Variants in LRP1B observed in about 807,000 individuals in gnomAD.
The protein encoded by LRP1B is LDL receptor related protein 1B, also known as low-density lipoprotein receptor-related protein 1B.
In LRP1B, 217 loss-of-function variants were observed where a neutral mutation model predicts 556.6. The ratio of observed to expected loss-of-function variants is 0.39; its 90% confidence interval spans 0.35 to 0.44. LRP1B has a LOEUF of 0.44. Among genes scored for constraint, LRP1B ranks in the 20% least tolerant of loss-of-function variants. The pLI, the probability that LRP1B is intolerant of heterozygous loss-of-function variation, is 1.00. For missense variants in LRP1B, 5,053 were observed against 5,620.8 expected (o/e 0.90, Z 3.23); for synonymous variants, 2,047 against 1,865.8 (o/e 1.10, Z -2.50).
intron 1 of LRP1B, among the ~76,000 whole-genome samples, chr2:141,908,823 A>C: frequency 6.6e-6 from 1 of 152,118 alleles, no homozygotes; most frequent in East Asian, 1.9e-4. Context: ...TTCACAAATC[A>C]TTATCTACCA....
chr2:142,044,090 G>C (rs1011497878), intron 1 of LRP1B, among the ~76,000 whole-genome samples: 3 of 151,548 alleles, frequency 2.0e-5, no homozygotes, highest in Non-Finnish European at 4.4e-5. Flanking sequence ...TTTGCTATTA[G>C]AGAAAAAAAC....
At chr2:141,145,871 C>A (rs187616335) in intron 7 of LRP1B, among the ~76,000 whole-genome samples, 1 of 145,796 alleles carries the variant, frequency 6.9e-6, no homozygotes, top group African/African-American at 2.5e-5. Context: ...CAAAATATGT[C>A]TTTTACAAGG....
chr2:140,449,601 A>T (rs1390718146), intron 63 of LRP1B, among the ~76,000 whole-genome samples: 1 of 152,196 alleles, frequency 6.6e-6, no homozygotes, highest in Non-Finnish European at 1.5e-5. Context: ...GCTTTCAAAC[A>T]TATGCACTAT....
At chr2:141,585,614 T>C (rs72978017) in intron 2 of LRP1B, among the ~76,000 whole-genome samples, 4,228 of 152,134 alleles carry the variant, frequency 0.028, 213 homozygotes, top group African/African-American at 0.094. Context: ...TGTGCCTATT[T>C]CATGTCCCTG....
intron 3 of LRP1B, among the ~76,000 whole-genome samples, chr2:141,461,300 A>G (rs1681860330): frequency 1.3e-5 from 2 of 152,194 alleles, no homozygotes; most frequent in South Asian, 4.1e-4. Context: ...AGAAAAATTA[A>G]AAGGACATTT....
At chr2:140,886,876 A>T (rs77741683) in intron 23 of LRP1B, among the ~76,000 whole-genome samples, 1 of 152,112 alleles carries the variant, frequency 6.6e-6, no homozygotes, top group African/African-American at 2.4e-5. Context: ...AATCATAACT[A>T]TATCATTCCT....
At chr2:141,695,725 C>A (rs919686733) in intron 2 of LRP1B, among the ~76,000 whole-genome samples, 53 of 151,798 alleles carry the variant, frequency 3.5e-4, no homozygotes, top group African/African-American at 9.9e-4. Flanking sequence ...TTAAAAAAAA[C>A]CCAAAAACCA....
chr2:140,699,180 T>C (rs1415593923), intron 41 of LRP1B, among the ~76,000 whole-genome samples: 5 of 152,082 alleles, frequency 3.3e-5, no homozygotes, highest in Non-Finnish European at 7.4e-5. Flanking sequence ...ATCTAAATTT[T>C]TATTAAAAAA....
chr2:140,715,740 T>C (rs1687187465), intron 37 of LRP1B, among the ~76,000 whole-genome samples: 1 of 152,116 alleles, frequency 6.6e-6, no homozygotes, highest in African/African-American at 2.4e-5. Context: ...TGGAATCATG[T>C]TGGTGCCTTT....
At chr2:141,595,519 T>C (rs1687484219) in intron 2 of LRP1B, among the ~76,000 whole-genome samples, 1 of 152,124 alleles carries the variant, frequency 6.6e-6, no homozygotes, top group South Asian at 2.1e-4. Flanking sequence ...AAAAAGATAC[T>C]ATACTAAGCA....
At chr2:142,079,799 T>C (rs777647550) in intron 1 of LRP1B, among the ~76,000 whole-genome samples, 8 of 152,160 alleles carry the variant, frequency 5.3e-5, no homozygotes, top group Non-Finnish European at 1.0e-4. Context: ...CATGAGCCAC[T>C]GCGCCCAGCC....
At chr2:140,578,027 T>C (rs10928757) in intron 43 of LRP1B, among the ~76,000 whole-genome samples, 25,716 of 152,166 alleles carry the variant, frequency 0.17, 2,306 homozygotes, top group Middle Eastern at 0.28. Flanking sequence ...GATTAAACTT[T>C]ATAATAAAAA....
At chr2:141,879,226 T>C (rs1054345596) in intron 1 of LRP1B, among the ~76,000 whole-genome samples, 14 of 151,888 alleles carry the variant, frequency 9.2e-5, no homozygotes, top group African/African-American at 3.1e-4. Flanking sequence ...TCATTAAATA[T>C]TGATTTTTAA....
At chr2:141,901,872 A>G (rs1043189726) in intron 1 of LRP1B, among the ~76,000 whole-genome samples, 2 of 151,834 alleles carry the variant, frequency 1.3e-5, no homozygotes, top group Admixed American at 1.3e-4. Flanking sequence ...ACTTTTTTCT[A>G]TAGACATGAA....
chr2:140,588,901 A>T (rs1298950295), intron 43 of LRP1B, among the ~76,000 whole-genome samples: 1 of 150,192 alleles, frequency 6.7e-6, no homozygotes, highest in Non-Finnish European at 1.5e-5. Flanking sequence ...CAGAGGTTGC[A>T]GTGAGCCGAG....
chr2:140,420,360 G>T (rs560866902), intron 66 of LRP1B, among the ~76,000 whole-genome samples: 1 of 152,218 alleles, frequency 6.6e-6, no homozygotes, highest in South Asian at 2.1e-4. Context: ...CATCAGGATG[G>T]CCAAAATTTA....
intron 1 of LRP1B, among the ~76,000 whole-genome samples, chr2:141,973,378 G>A (rs2105079901): frequency 6.6e-6 from 1 of 151,804 alleles, no homozygotes; most frequent in Admixed American, 6.6e-5. Context: ...CTGTACTTTT[G>A]AGATTTTTTA....
intron 7 of LRP1B, among the ~76,000 whole-genome samples, chr2:141,079,073 G>A (rs1699861880): frequency 6.6e-6 from 1 of 152,068 alleles, no homozygotes; most frequent in Admixed American, 6.5e-5. Flanking sequence ...TTTCTGTTCT[G>A]TATAGTATCA....
At chr2:140,490,376 A>G (rs1445125643) in intron 57 of LRP1B, among the ~76,000 whole-genome samples, 1 of 152,118 alleles carries the variant, frequency 6.6e-6, no homozygotes, top group Non-Finnish European at 1.5e-5. Context: ...ATGTTGTAGA[A>G]TATAGAGGGC....
Sources: gnomAD v4.1 joint callset for allele counts (sites outside exome capture counted in the v4.1 genomes callset) on GRCh38, gnomAD v4.1.1 for gene constraint, MANE v1.5 for transcripts, NCBI Gene and HGNC (gene_info 2026-07-23, HGNC 2026-07-21) for gene names.